Variants in CDC14A observed in about 807,000 individuals in gnomAD.
The protein encoded by CDC14A is dual specificity protein phosphatase CDC14A.
CDC14A carries 53 observed loss-of-function variants against 74.4 expected under a neutral mutation model. The ratio of observed to expected loss-of-function variants is 0.71; its 90% CI spans 0.57 to 0.89. The LOEUF (loss-of-function observed/expected upper bound fraction) is 0.89. CDC14A is among the 40% of genes least tolerant of loss of function. CDC14A has a pLI of 0.00. For synonymous variants in CDC14A, 247 were observed against 258.4 expected (o/e 0.96, Z 0.43); for missense variants, 646 against 713.7 (o/e 0.91, Z 1.08).
intron 6 of CDC14A, among the ~76,000 whole-genome samples, chr1:100,441,236 A>G (rs1664892411): frequency 6.6e-6 from 1 of 152,196 alleles, no homozygotes; most frequent in African/African-American, 2.4e-5. Flanking sequence ...TTGTAGAGGA[A>G]AGGTATGTAA....
chr1:100,451,408 C>T (rs999575512), intron 7 of CDC14A, among the ~76,000 whole-genome samples: 2 of 152,168 alleles, frequency 1.3e-5, no homozygotes, highest in Admixed American at 1.3e-4. Context: ...CCGTCTCCCT[C>T]AAAAGCAAGT....
At chr1:100,436,558 G>A (rs779618634) in intron 5 of CDC14A, among the ~76,000 whole-genome samples, 3 of 151,948 alleles carry the variant, frequency 2.0e-5, no homozygotes, top group Non-Finnish European at 4.4e-5. Context: ...CCGAGTAGCT[G>A]GGATTACAGG....
intron 11 of CDC14A, among the ~76,000 whole-genome samples, chr1:100,487,581 A>AAAACG (rs1557816724): frequency 3.2e-4 from 44 of 137,340 alleles, no homozygotes; most frequent in Admixed American, 9.5e-4. Context: ...AGAACAAAAC[A>AAAACG]AAACAAAACA....
intron 3 of CDC14A, among the ~76,000 whole-genome samples, chr1:100,378,228 G>T (rs1655578115): frequency 6.6e-6 from 1 of 151,978 alleles, no homozygotes; most frequent in Non-Finnish European, 1.5e-5. Flanking sequence ...GTGGATTTTG[G>T]CATGTGGCTT....
chr1:100,407,631 A>G (rs191275602), intron 4 of CDC14A, among the ~76,000 whole-genome samples: 1 of 152,264 alleles, frequency 6.6e-6, no homozygotes, highest in Admixed American at 6.5e-5. Context: ...TAGATATAGG[A>G]TCATGTCATC....
intron 3 of CDC14A, among the ~76,000 whole-genome samples, chr1:100,387,869 C>T (rs1472196691): frequency 1.3e-5 from 2 of 152,046 alleles, no homozygotes. Context: ...CCCCCCAACC[C>T]CCTCCAAAAA....
At chr1:100,495,641 T>C (rs1557827290) in intron 12 of CDC14A, among the ~76,000 whole-genome samples, 1 of 152,210 alleles carries the variant, frequency 6.6e-6, no homozygotes, top group Non-Finnish European at 1.5e-5. Flanking sequence ...AAATAAGAGA[T>C]ACACATAGCA....
intron 15 of CDC14A, among the ~76,000 whole-genome samples, chr1:100,507,045 C>T (rs979680594): frequency 1.3e-5 from 2 of 152,130 alleles, no homozygotes; most frequent in East Asian, 1.9e-4. Context: ...GAAACTTATC[C>T]AATTAATAAA....
chr1:100,467,632 C>G (rs1420050687), intron 9 of CDC14A, among the ~76,000 whole-genome samples: 1 of 152,114 alleles, frequency 6.6e-6, no homozygotes, highest in Non-Finnish European at 1.5e-5. Flanking sequence ...CCCCAGCCAC[C>G]CTTGCTTCCC....
rs547229410 is a variant in CDC14A, at chr1:100,428,740, C to T, written c.389+4439C>T. Among the ~76,000 whole-genome samples, 9 of 152,178 alleles carry T rather than the reference C, an allele frequency of 5.9e-5. No individual in the cohort carries two copies. In the South Asian group the frequency reaches 6.2e-4, roughly 11 times the overall value. ...CAGTATTTGTGAAAATTTAAAGTCC[C>T]GCAAAACATTGAAAAGATAACCAAT... On this transcript the variant is annotated intron_variant, in intron 5 of 15. Transcript: ENST00000336454.
rs1434970715 is a variant in CDC14A, at chr1:100,508,738, G to A, written c.1755+9476G>A. Among the ~76,000 whole-genome samples, 1 of 152,120 alleles carries A rather than the reference G, an allele frequency of 6.6e-6. No individual in the cohort carries two copies. The highest frequency in any genetic ancestry group is 1.5e-5 in the Non-Finnish European group (1 of 68,026). On this transcript the variant is annotated intron_variant, in intron 15 of 15. Transcript: ENST00000336454. The surrounding 1 kb of genome is among the most constrained non-coding windows in gnomAD (Gnocchi z 4.4). ...TGTGGGAGAGCCTGACTCCACCCCT[G>A]ATTTCAGGCCAGGGGCTTTCGACCT...
At position 100,386,324 on chromosome 1, in the gene CDC14A, G is replaced by A. The variant is rs139732608; in HGVS notation, c.217-4408G>A. On this transcript the variant is annotated intron_variant, in intron 3 of 15. Transcript: ENST00000336454. ...CCAGAGGTCTCAGTATTCTTTCTGT[G>A]ACCCTCTCTATTTTATATTTACACT... Among the ~76,000 whole-genome samples the A allele has an allele frequency of 1.8e-3, 270 of 152,260 alleles. 4 individuals are homozygous for A. Among genetic ancestry groups the A allele is most frequent in the African/African-American group, 6.1e-3 (254 of 41,544 alleles).
chr1:100,438,183 C>T (rs1664554766), intron 5 of CDC14A, among the ~76,000 whole-genome samples: 1 of 151,862 alleles, frequency 6.6e-6, no homozygotes, highest in South Asian at 2.1e-4. Context: ...TCAGACTTGC[C>T]ACTAGATCTT....
chr1:100,345,050 A>C (rs1650304000), exon 1 of CDC14A: 1 of 152,210 alleles, frequency 6.6e-6, no homozygotes, highest in South Asian at 2.1e-4. Context: ...GAATCCATTG[A>C]GGATGCCTGA....
At chr1:100,402,595 A>T (rs1659412548) in intron 4 of CDC14A, among the ~76,000 whole-genome samples, 1 of 152,200 alleles carries the variant, frequency 6.6e-6, no homozygotes, top group East Asian at 1.9e-4. Context: ...TCTCCACAGA[A>T]CACTCACTAG....
At chr1:100,432,889 TTTATTTATTTGTTTTC>T (rs1663881252) in intron 5 of CDC14A, among the ~76,000 whole-genome samples, 1 of 152,180 alleles carries the variant, frequency 6.6e-6, no homozygotes, top group African/African-American at 2.4e-5. Flanking sequence ...TACTTTCTCC[TTTATTTATTTGTTTTC>T]AGAAATAGAG....
chr1:100,516,383 T>C (rs1399122301), intron 15 of CDC14A, among the ~76,000 whole-genome samples: 1 of 152,218 alleles, frequency 6.6e-6, no homozygotes, highest in Non-Finnish European at 1.5e-5. Flanking sequence ...CTAATGTTTA[T>C]TTGCTACATC....
chr1:100,485,209 C>CT (rs2101365100), intron 11 of CDC14A: 2 of 985,344 alleles, frequency 2.0e-6, no homozygotes, highest in Non-Finnish European at 1.2e-6. Flanking sequence ...AGACAAGAAA[C>CT]TGGGGTCCCA....
intron 3 of CDC14A, among the ~76,000 whole-genome samples, chr1:100,384,118 A>G (rs991367158): frequency 2.6e-5 from 4 of 152,224 alleles, no homozygotes; most frequent in African/African-American, 9.6e-5. Flanking sequence ...TGATCCCACT[A>G]GAATATAACC....
Sources: allele counts gnomAD v4.1 joint callset (sites outside exome capture counted in the v4.1 genomes callset), GRCh38; gene constraint gnomAD v4.1.1; non-coding constraint Gnocchi (gnomAD v3.1); transcripts MANE v1.5; gene names NCBI Gene and HGNC (gene_info 2026-07-23, HGNC 2026-07-21).